CPNE4: variants seen among roughly 807,000 people sequenced by gnomAD.
CPNE4 encodes copine-4.
Under a neutral mutation model 67.9 loss-of-function variants are expected in CPNE4, and 25 were observed. That is an observed-to-expected ratio of 0.37 (90% CI 0.27 to 0.51). The LOEUF (loss-of-function observed/expected upper bound fraction) is 0.51. Among genes scored for constraint, CPNE4 ranks in the 20% least tolerant of loss-of-function variants. CPNE4 has a pLI of 0.93. For missense variants in CPNE4, 464 were observed against 690.8 expected (o/e 0.67, Z 3.68); for synonymous variants, 242 against 244.9 (o/e 0.99, Z 0.11).
chr3:131,543,485 A>C (rs967570358), intron 14 of CPNE4, among the ~76,000 whole-genome samples: 1 of 152,228 alleles, frequency 6.6e-6, no homozygotes, highest in Admixed American at 6.5e-5. Flanking sequence ...TCAAGTATTT[A>C]TGATAACTTA....
chr3:131,565,821 A>AG (rs1937027506), intron 10 of CPNE4, among the ~76,000 whole-genome samples: 1 of 148,650 alleles, frequency 6.7e-6, no homozygotes, highest in South Asian at 2.1e-4. Context: ...GAGTATGTAA[A>AG]AAAAAAAAAA....
intron 7 of CPNE4, among the ~76,000 whole-genome samples, chr3:131,601,330 C>T (rs1939195311): frequency 6.6e-6 from 1 of 151,976 alleles, no homozygotes; most frequent in Non-Finnish European, 1.5e-5. Flanking sequence ...ATTGAGCTGG[C>T]AAAGAGAATA....
rs887765195 is a variant in CPNE4, at chr3:131,743,904, A to C, written c.181-20279T>G. ...CGTGAACCCGGGAGGCGGAGCTTGC[A>C]GTGAGCCGAGATCGCGCCACTGCAC... On this transcript the variant is annotated intron_variant, in intron 2 of 15. Transcript: ENST00000429747. 4.5e-5 allele frequency among the ~76,000 whole-genome samples: 6 copies of C among 134,254 alleles called. No homozygotes were observed. In the Admixed American group the frequency reaches 5.1e-4, roughly 11 times the overall value. The allele number at this position is 134,254 out of a possible 152,430, so 88.1% of individuals were successfully genotyped here. A position where few individuals can be genotyped will look rare whatever the true frequency, so the allele number is the denominator to read the frequency against.
At chr3:131,764,832 C>A (rs1160955732) in intron 2 of CPNE4, among the ~76,000 whole-genome samples, 1 of 151,984 alleles carries the variant, frequency 6.6e-6, no homozygotes, top group East Asian at 1.9e-4. Context: ...TACATCTTCC[C>A]AACAGGCTTA....
At chr3:131,922,437 A>C (rs910036788) in intron 1 of CPNE4, among the ~76,000 whole-genome samples, 2 of 152,174 alleles carry the variant, frequency 1.3e-5, no homozygotes, top group African/African-American at 2.4e-5. Context: ...CCTCATCCAT[A>C]AACTAAGAGA....
chr3:131,950,515 C>A (rs184421861), intron 1 of CPNE4, among the ~76,000 whole-genome samples: 26 of 152,230 alleles, frequency 1.7e-4, no homozygotes, highest in Non-Finnish European at 2.9e-4. Flanking sequence ...CCTTGTTCAA[C>A]CTCAGCTGGG....
intron 2 of CPNE4, among the ~76,000 whole-genome samples, chr3:131,729,603 C>A (rs915093321): frequency 3.3e-5 from 5 of 152,168 alleles, no homozygotes; most frequent in Non-Finnish European, 7.4e-5. Flanking sequence ...GCTGATGAGA[C>A]ATGGTTTTAA....
At chr3:131,997,033 C>G (rs2073312338) in intron 1 of CPNE4, among the ~76,000 whole-genome samples, 1 of 151,960 alleles carries the variant, frequency 6.6e-6, no homozygotes, top group Non-Finnish European at 1.5e-5. Context: ...AATGCTAGCA[C>G]TTGCATTATT....
At chr3:131,713,377 A>G (rs540852869) in intron 3 of CPNE4, among the ~76,000 whole-genome samples, 46 of 152,290 alleles carry the variant, frequency 3.0e-4, no homozygotes, top group African/African-American at 1.1e-3. Context: ...AACGACATCT[A>G]TGACTTTACA....
At chr3:131,634,877 A>G (rs2079335239) in intron 7 of CPNE4, among the ~76,000 whole-genome samples, 2 of 152,188 alleles carry the variant, frequency 1.3e-5, no homozygotes, top group South Asian at 4.1e-4. Flanking sequence ...GGTCGAGGAA[A>G]TTACCAAACA....
intron 2 of CPNE4, among the ~76,000 whole-genome samples, chr3:131,845,108 CCATTT>C (rs1166782906): frequency 1.3e-5 from 2 of 152,144 alleles, no homozygotes; most frequent in African/African-American, 4.8e-5. Context: ...AGTTTTGATT[CCATTT>C]ATGTGTATTC....
At chr3:132,038,758 G>T (rs1351136961), upstream of CPNE4, among the ~76,000 whole-genome samples, 1 of 152,094 alleles carries the variant, frequency 6.6e-6, no homozygotes, top group African/African-American at 2.4e-5. Context: ...CCATTCCTCT[G>T]GGCTTAAGGA....
chr3:131,800,234 A>G (rs1208636769), intron 2 of CPNE4, among the ~76,000 whole-genome samples: 1 of 152,052 alleles, frequency 6.6e-6, no homozygotes, highest in Non-Finnish European at 1.5e-5. Context: ...AGAATATGTG[A>G]TGCCTGAAAA....
chr3:131,851,688 A>G (rs1583325502), intron 2 of CPNE4, among the ~76,000 whole-genome samples: 1 of 152,100 alleles, frequency 6.6e-6, no homozygotes, highest in Non-Finnish European at 1.5e-5. Context: ...TATTAGAAAG[A>G]GGAAGGCAGA....
intron 11 of CPNE4, 143 bp downstream of exon 11, chr3:131,564,073 C>T (rs1582805523): frequency 3.2e-6 from 3 of 936,858 alleles, no homozygotes; most frequent in Non-Finnish European, 5.1e-6. Flanking sequence ...CTTAGTTTTT[C>T]TAGTACAGAG....
chr3:131,966,240 T>C (rs140569566), intron 1 of CPNE4, among the ~76,000 whole-genome samples: 1 of 152,164 alleles, frequency 6.6e-6, no homozygotes, highest in Non-Finnish European at 1.5e-5. Context: ...GAGGAAAATT[T>C]ATAGCACTAA....
intron 10 of CPNE4, among the ~76,000 whole-genome samples, chr3:131,565,987 T>A (rs952789485): frequency 6.6e-6 from 1 of 151,984 alleles, no homozygotes; most frequent in Non-Finnish European, 1.5e-5. Context: ...TTTATATGCA[T>A]GATATTACTC....
intron 1 of CPNE4, among the ~76,000 whole-genome samples, chr3:131,979,084 T>C (rs1311803754): frequency 1.3e-5 from 2 of 152,158 alleles, no homozygotes; most frequent in Non-Finnish European, 2.9e-5. Context: ...TTTTTTAATT[T>C]ATTGAGGTTT....
intron 2 of CPNE4, among the ~76,000 whole-genome samples, chr3:131,787,927 G>A (rs950632074): frequency 6.6e-6 from 1 of 151,900 alleles, no homozygotes; most frequent in African/African-American, 2.4e-5. Context: ...ACAGGAAAAA[G>A]GACTGTCCAA....
Sources: gnomAD v4.1 joint callset for allele counts (sites outside exome capture counted in the v4.1 genomes callset) on GRCh38, gnomAD v4.1.1 for gene constraint, MANE v1.5 for transcripts, NCBI Gene and HGNC (gene_info 2026-07-23, HGNC 2026-07-21) for gene names.